Variants in VPS54 observed in about 807,000 individuals in gnomAD.
VPS54 encodes the protein VPS54 subunit of GARP complex.
Under a neutral mutation model 121.5 loss-of-function variants are expected in VPS54, and 45 were observed. That is an observed-to-expected ratio of 0.37 (90% CI 0.29 to 0.47). The LOEUF is 0.47. Among genes scored for constraint, VPS54 ranks in the 20% least tolerant of loss-of-function variants. The pLI, the probability that VPS54 is intolerant of heterozygous loss-of-function variation, is 0.99. For missense variants in VPS54, 1,090 were observed against 1,131.4 expected (o/e 0.96, Z 0.52); for synonymous variants, 371 against 385.8 (o/e 0.96, Z 0.45).
At chr2:63,956,970 C>T (rs538104742) in intron 7 of VPS54, among the ~76,000 whole-genome samples, 4 of 152,134 alleles carry the variant, frequency 2.6e-5, no homozygotes, top group Non-Finnish European at 4.4e-5. Context: ...TATCAACATT[C>T]GAATGCATTC....
chr2:63,914,592 G>A (rs536647382), intron 16 of VPS54, among the ~76,000 whole-genome samples: 4 of 152,212 alleles, frequency 2.6e-5, no homozygotes, highest in African/African-American at 9.6e-5. Context: ...AATACTCTCT[G>A]TATGGCATTC....
chr2:63,971,249 C>T (rs1461332835), intron 4 of VPS54, among the ~76,000 whole-genome samples: 1 of 152,206 alleles, frequency 6.6e-6, no homozygotes, highest in Non-Finnish European at 1.5e-5. Context: ...TGTATTACTG[C>T]AGTAGCCTCC....
At position 63,933,753 on chromosome 2, in the gene VPS54, G is replaced by A. The variant is rs138163290; in HGVS notation, c.1659C>T (p.Ser553=). 30 of 1,613,680 alleles carry A rather than the reference G, an allele frequency of 1.9e-5. 1 individual carries two copies. The highest frequency in any genetic ancestry group is 2.1e-5 in the Non-Finnish European group (25 of 1,179,834). ...AAGAATCAGTAGTACATTCTGGCTC[G>A]GATACAGAATCACTGCTGCAGGGCT... ...NSEPCSSDSV[S]EPECTTDSSS... Residue 553 remains serine (S), a synonymous_variant, in exon 12 of 23, where the codon TCC becomes TCT. Transcript: ENST00000272322.
chr2:63,899,606 T>G, intron 20 of VPS54, 25 bp from the exon 21 acceptor site: 2 of 1,577,524 alleles, frequency 1.3e-6, no homozygotes, highest in South Asian at 1.1e-5. Flanking sequence ...TAATGAGAAT[T>G]ATGTTCATGT....
At chr2:63,913,728 G>C (rs1673254922) in intron 17 of VPS54, 1 of 552,836 alleles carries the variant, frequency 1.8e-6, no homozygotes, top group African/African-American at 2.0e-5. Flanking sequence ...CGTACTGGTA[G>C]TTTAAAATAT....
chr2:63,904,690 A>G (rs888684642), intron 20 of VPS54, among the ~76,000 whole-genome samples: 1 of 152,170 alleles, frequency 6.6e-6, no homozygotes, highest in African/African-American at 2.4e-5. Flanking sequence ...AACACTACCA[A>G]CCAACACCAC....
intron 7 of VPS54, among the ~76,000 whole-genome samples, chr2:63,956,858 A>G (rs1363128393): frequency 6.6e-6 from 1 of 152,120 alleles, no homozygotes; most frequent in East Asian, 1.9e-4. Context: ...AATTATGAAA[A>G]CTAAGAGTTT....
At chr2:63,970,494 T>A (rs114605798) in intron 4 of VPS54, among the ~76,000 whole-genome samples, 2,032 of 151,950 alleles carry the variant, frequency 0.013, 59 homozygotes, top group African/African-American at 0.046. Flanking sequence ...ATACTGGTAG[T>A]CTACATTTCT....
At chr2:63,923,260 G>A (rs1341115855) in intron 12 of VPS54, among the ~76,000 whole-genome samples, 1 of 151,518 alleles carries the variant, frequency 6.6e-6, no homozygotes, top group South Asian at 2.1e-4. Flanking sequence ...AGCTTGCAGT[G>A]AGCCGAGATC....
intron 1 of VPS54, among the ~76,000 whole-genome samples, chr2:63,988,850 G>C (rs1043088951): frequency 6.6e-6 from 1 of 152,156 alleles, no homozygotes; most frequent in Non-Finnish European, 1.5e-5. Flanking sequence ...GAACAAGGGA[G>C]ATAACCATTA....
intron 1 of VPS54, among the ~76,000 whole-genome samples, chr2:64,013,672 CT>C (rs1678549387): frequency 7.1e-6 from 1 of 140,420 alleles, no homozygotes; most frequent in African/African-American, 2.7e-5. Context: ...ATATATATAT[CT>C]ATATATTGAT....
intron 1 of VPS54, among the ~76,000 whole-genome samples, chr2:63,989,773 G>A (rs1677228340): frequency 6.6e-6 from 1 of 152,106 alleles, no homozygotes; most frequent in South Asian, 2.1e-4. Context: ...AACAGAAAAG[G>A]GTTTGAGTGC....
chr2:63,920,635 T>G lies in VPS54; in HGVS notation c.1870-8A>C. The G allele has an allele frequency of 1.4e-6, 2 of 1,463,954 alleles. No individual in the cohort carries two copies. The highest frequency in any genetic ancestry group is 1.8e-6 in the Non-Finnish European group (2 of 1,105,866). 90.7% of individuals were successfully genotyped at this position (1,463,954 alleles called of 1,614,324 possible). A position where few individuals can be genotyped will look rare whatever the true frequency, so the allele number is the denominator to read the frequency against. ...CTTCTCAAGAAAACCATCCTAAATT[T>G]TAATACAAAAATCATGAGAGTTAGT... On this transcript the variant is annotated splice_region_variant and splice_polypyrimidine_tract_variant and intron_variant, in intron 13 of 22. Coordinates refer to ENST00000272322, the MANE Select transcript of VPS54 (RefSeq NM_016516.3).
chr2:63,914,348 G>A (rs1390616702), intron 16 of VPS54, 61 bp from the exon 17 acceptor site: 36 of 1,177,052 alleles, frequency 3.1e-5, no homozygotes, highest in Non-Finnish European at 4.2e-5. Flanking sequence ...AAAGGATTTG[G>A]CATATAAAAA....
intron 16 of VPS54, 47 bp downstream of exon 16, chr2:63,916,853 T>C (rs760235810): frequency 1.3e-6 from 2 of 1,575,762 alleles, no homozygotes; most frequent in African/African-American, 1.3e-5. Flanking sequence ...AGAAGACTTG[T>C]GTTTTAAATA....
chr2:63,996,238 T>C (rs1005261250), intron 1 of VPS54, among the ~76,000 whole-genome samples: 5 of 152,226 alleles, frequency 3.3e-5, no homozygotes, highest in African/African-American at 9.6e-5. Flanking sequence ...TCCAAATTAA[T>C]ACTTTTATAA....
At chr2:63,978,057 G>T (rs2104604312) in intron 3 of VPS54, among the ~76,000 whole-genome samples, 1 of 152,332 alleles carries the variant, frequency 6.6e-6, no homozygotes, top group Non-Finnish European at 1.5e-5. Flanking sequence ...GGGAGGGGAA[G>T]CATTCTATGA....
At chr2:64,013,651 G>GAT (rs920624746) in intron 1 of VPS54, among the ~76,000 whole-genome samples, 2 of 140,478 alleles carry the variant, frequency 1.4e-5, no homozygotes, top group Non-Finnish European at 3.0e-5. Flanking sequence ...TCAATATATA[G>GAT]ATATATATTG....
chr2:63,984,336 T>C lies in VPS54; in HGVS notation c.-20-317A>G, dbSNP rs377355048. On this transcript the variant is annotated intron_variant, in intron 1 of 22. Coordinates refer to ENST00000272322, the MANE Select transcript of VPS54 (RefSeq NM_016516.3). ...GCAAGTACACAGTAGTTATGCATTA[T>C]AGCAAAACAGATAAGTGCATGGGTT... Among the ~76,000 whole-genome samples, 103 of 152,366 alleles carry C rather than the reference T, an allele frequency of 6.8e-4. 2 individuals carry two copies. The South Asian group carries it at 0.019, about 28-fold the overall frequency.
Sources: gnomAD v4.1 joint callset for allele counts (sites outside exome capture counted in the v4.1 genomes callset) on GRCh38, gnomAD v4.1.1 for gene constraint, MANE v1.5 for transcripts, NCBI Gene and HGNC (gene_info 2026-07-23, HGNC 2026-07-21) for gene names.